Variants in UROC1 observed in about 807,000 individuals in gnomAD.
The protein encoded by UROC1 is urocanate hydratase 1.
UROC1 carries 79 observed loss-of-function variants against 89.5 expected under a neutral mutation model. That is an observed-to-expected ratio of 0.88 (90% CI 0.74 to 1.06). UROC1 has a LOEUF of 1.06. Among genes scored for constraint, UROC1 ranks in the 50% least tolerant of loss-of-function variants. The probability of loss-of-function intolerance (pLI) is 0.00; values close to 1 mark genes in which losing one functional copy is unlikely to be tolerated. For missense variants in UROC1, 885 were observed against 907.8 expected (o/e 0.97, Z 0.32); for synonymous variants, 361 against 354.8 (o/e 1.02, Z -0.20).
Position 126,482,494 on chromosome 3 carries a change from A to AGGAGGG in UROC1, c.1891-15_1891-10dup. 1 of 1,613,844 alleles carries AGGAGGG rather than the reference A, an allele frequency of 6.2e-7. No homozygotes were observed. Among genetic ancestry groups the AGGAGGG allele is most frequent in the South Asian group, 1.1e-5 (1 of 91,084 alleles). On this transcript the variant is annotated splice_polypyrimidine_tract_variant and intron_variant, in intron 19 of 19. Coordinates refer to ENST00000290868, the MANE Select transcript of UROC1 (RefSeq NM_144639.3). The stretch of plus-strand genomic sequence containing the variant: ...CAGCAGCGCCGGGCCACCTAGGGCA[A>AGGAGGG]GGAGGGGGATAGCAGTCCATGTCAA...
Position 126,489,517 on chromosome 3 carries a change from A to T in UROC1, c.1609-142T>A, listed in dbSNP as rs1935596961. On this transcript the variant is annotated intron_variant, in intron 16 of 19. Coordinates refer to ENST00000290868, the MANE Select transcript of UROC1 (RefSeq NM_144639.3). ...TAGACCCTCTTCACAACTATTTCTG[A>T]TGTCATCTGTAGCCTGGAATAGATT... 7 of 714,600 alleles carry T rather than the reference A, an allele frequency of 9.8e-6. No homozygotes were observed. In the Admixed American group the frequency reaches 1.4e-4, roughly 14 times the overall value. 44.3% of individuals were successfully genotyped at this position (714,600 alleles called of 1,614,324 possible). A position where few individuals can be genotyped will look rare whatever the true frequency, so the allele number is the denominator to read the frequency against.
At chr3:126,510,916 C>A (rs1936181341) in intron 1 of UROC1, 122 bp from the exon 2 acceptor site, 8 of 1,429,418 alleles carry the variant, frequency 5.6e-6, no homozygotes, top group Non-Finnish European at 7.5e-6. Flanking sequence ...AAGCCTGTTG[C>A]CCACCCAGAG....
chr3:126,485,591 A>ATTTTTTTTTTTTTTTTT (rs372032139), intron 18 of UROC1, among the ~76,000 whole-genome samples: 1 of 134,470 alleles, frequency 7.4e-6, no homozygotes, highest in African/African-American at 2.9e-5. Flanking sequence ...TTCCCCATTT[A>ATTTTTTTTTTTTTTTTT]TTTATTTATT....
At chr3:126,513,816 A>T (rs753143806) in intron 1 of UROC1, among the ~76,000 whole-genome samples, 13 of 152,114 alleles carry the variant, frequency 8.5e-5, no homozygotes, top group Non-Finnish European at 1.9e-4. Context: ...AGCAGTAGGT[A>T]TGCCCCTATT....
Position 126,506,031 on chromosome 3 carries a change from C to T in UROC1, c.603-20G>A, listed in dbSNP as rs1447460888. Reference sequence around the variant, plus strand: ...CCGTACCTGACCACAGGGAGAGAAGCCAAGCCCAGGGCTCAGCCAGTGCCA... The same window carrying T: ...CCGTACCTGACCACAGGGAGAGAAGTCAAGCCCAGGGCTCAGCCAGTGCCA... On this transcript the variant is annotated intron_variant, in intron 6 of 19. Coordinates refer to ENST00000290868, the MANE Select transcript of UROC1 (RefSeq NM_144639.3). 6.2e-7 allele frequency: 1 copy of T among 1,613,304 alleles called. No homozygotes were observed. Among genetic ancestry groups the T allele is most frequent in the Non-Finnish European group, 8.5e-7 (1 of 1,180,036 alleles).
chr3:126,500,285 G>C (rs765985562), intron 11 of UROC1, 131 bp from the exon 12 acceptor site: 4 of 862,296 alleles, frequency 4.6e-6, no homozygotes, highest in Non-Finnish European at 7.5e-6. Context: ...CTGCTCCTCG[G>C]GTCGGCACCA....
At chr3:126,506,409 G>A (rs1011428924) in intron 6 of UROC1, among the ~76,000 whole-genome samples, 1 of 152,206 alleles carries the variant, frequency 6.6e-6, no homozygotes, top group Non-Finnish European at 1.5e-5. Context: ...CTGCTGAGAT[G>A]CCCCTCCACC....
At chr3:126,485,916 C>A (rs2107532653) in intron 18 of UROC1, among the ~76,000 whole-genome samples, 1 of 152,254 alleles carries the variant, frequency 6.6e-6, no homozygotes, top group Admixed American at 6.5e-5. Flanking sequence ...CTGCATCTCA[C>A]CAACAAAACT....
chr3:126,502,862 GTGTT>G (rs1050175427), intron 9 of UROC1, among the ~76,000 whole-genome samples: 4 of 151,630 alleles, frequency 2.6e-5, no homozygotes, highest in South Asian at 2.1e-4. Flanking sequence ...TGTGTGTTGT[GTGTT>G]TGTGTGTGCA....
intron 12 of UROC1, among the ~76,000 whole-genome samples, chr3:126,499,635 C>T (rs181792017): frequency 6.6e-6 from 1 of 152,366 alleles, no homozygotes; most frequent in African/African-American, 2.4e-5. Flanking sequence ...GCCTCCAGCG[C>T]GCCAGAGCCC....
intron 18 of UROC1, among the ~76,000 whole-genome samples, chr3:126,486,734 CG>C (rs1209026253): frequency 6.6e-6 from 1 of 152,084 alleles, no homozygotes; most frequent in African/African-American, 2.4e-5. Flanking sequence ...TGCAGAGTTG[CG>C]GGGGGTGGGG....
chr3:126,497,846 G>A (rs1457638363), intron 14 of UROC1, among the ~76,000 whole-genome samples: 2 of 152,244 alleles, frequency 1.3e-5, no homozygotes, highest in East Asian at 1.9e-4. Flanking sequence ...AACGACACTT[G>A]GGGACCAGGA....
rs558833391 is a variant in UROC1 at position 126,501,270 on chromosome 3, T to C, written c.913A>G (p.Lys305Glu). ...CCAAGGCTGAGCACCTCCTTTTTTT[T>C]CCTTGCTTCCCTGGAAGGACACAAA... is the stretch of plus-strand genomic sequence containing the variant. ...RCIQRLREAR[K>E]KKEVLSLGYH... The change falls in exon 10 of 20, where the codon AAA (lysine) becomes GAA (glutamate). Residue 305 changes from lysine (K) to glutamate (E), a missense_variant. Lys to Glu is a moderately conservative substitution (Grantham distance 56, BLOSUM62 1). Transcript: ENST00000290868. 99 of 1,614,050 alleles carry C rather than the reference T, an allele frequency of 6.1e-5. 1 individual carries two copies. The East Asian group carries it at 8.0e-4, about 13-fold the overall frequency.
chr3:126,501,680 CA>C, intron 9 of UROC1: 1 of 1,266,806 alleles, frequency 7.9e-7, no homozygotes, highest in Admixed American at 2.5e-5. Context: ...CAGGAAAAAT[CA>C]AAGCATATTT....
At chr3:126,501,988 G>A in intron 9 of UROC1, 1 of 1,536,208 alleles carries the variant, frequency 6.5e-7, no homozygotes, top group Non-Finnish European at 8.7e-7. Flanking sequence ...ATTCCCATGG[G>A]TCTTCCTCAG....
At chr3:126,501,980 T>G (rs758433860) in intron 9 of UROC1, 40 of 1,547,876 alleles carry the variant, frequency 2.6e-5, no homozygotes, top group Non-Finnish European at 3.5e-5. Context: ...CTCACTCCAT[T>G]CCCATGGGTC....
chr3:126,508,779 T>C (rs1799391), intron 3 of UROC1, among the ~76,000 whole-genome samples: 135,316 of 152,060 alleles, frequency 0.89, 60,573 homozygotes, highest in East Asian at 0.95. Flanking sequence ...TTAGGGCGTT[T>C]CCACCTACTA....
chr3:126,496,489 G>A (rs974592781), intron 14 of UROC1, among the ~76,000 whole-genome samples: 7 of 152,210 alleles, frequency 4.6e-5, no homozygotes, highest in Non-Finnish European at 7.3e-5. Flanking sequence ...TGAGGAAGTG[G>A]CCATCAAGCT....
chr3:126,487,697 C>T (rs1215954150), intron 18 of UROC1, among the ~76,000 whole-genome samples: 5 of 152,208 alleles, frequency 3.3e-5, no homozygotes, highest in Non-Finnish European at 7.4e-5. Flanking sequence ...AGAGAATAGC[C>T]GGGCAGGGGC....
Sources: gnomAD v4.1 joint callset for allele counts (sites outside exome capture counted in the v4.1 genomes callset) on GRCh38, gnomAD v4.1.1 for gene constraint, MANE v1.5 for transcripts, NCBI Gene and HGNC (gene_info 2026-07-23, HGNC 2026-07-21) for gene names.